The following FAR2 variants were observed in gnomAD, a reference collection of about 807,000 sequenced individuals.
FAR2 encodes the protein epididymis secretory protein Li 81.
Under a neutral mutation model 56.0 loss-of-function variants are expected in FAR2, and 19 were observed. The ratio of observed to expected loss-of-function variants is 0.34; its 90% CI spans 0.24 to 0.50. The LOEUF (loss-of-function observed/expected upper bound fraction) is 0.50, where lower values mean the gene tolerates loss of function less well. Among genes scored for constraint, FAR2 ranks in the 20% least tolerant of loss-of-function variants. FAR2 has a pLI of 0.98. For synonymous variants in FAR2, 219 were observed against 218.8 expected, an observed-to-expected ratio of 1.00 and a Z score of -0.01; for missense variants, 508 against 642.2, an observed-to-expected ratio of 0.79 and a Z score of 2.26.
At chr12:29,187,107 G>A (rs1032960639) in intron 1 of FAR2, among the ~76,000 whole-genome samples, 4 of 152,080 alleles carry the variant, frequency 2.6e-5, no homozygotes, top group Admixed American at 2.0e-4. Flanking sequence ...TCTTATAACT[G>A]TTCTTGGTAG....
intron 1 of FAR2, among the ~76,000 whole-genome samples, chr12:29,233,339 A>T (rs1474516361): frequency 6.6e-6 from 1 of 152,046 alleles, no homozygotes; most frequent in Non-Finnish European, 1.5e-5. Context: ...GAATCTTAAT[A>T]CTTCTGTCTG....
chr12:29,172,381 A>C (rs1207013227), intron 1 of FAR2, among the ~76,000 whole-genome samples: 1 of 152,200 alleles, frequency 6.6e-6, no homozygotes, highest in Non-Finnish European at 1.5e-5. Context: ...TTTTAATTAA[A>C]AGTTTAAAAA....
At chr12:29,332,555 C>T in intron 10 of FAR2, 45 bp from the exon 11 acceptor site, 1 of 1,611,280 alleles carries the variant, frequency 6.2e-7, no homozygotes, top group Non-Finnish European at 8.5e-7. Context: ...AAGTGACTGT[C>T]CAGCACTGCA....
intron 1 of FAR2, among the ~76,000 whole-genome samples, chr12:29,242,404 A>C (rs1486532253): frequency 6.6e-6 from 1 of 152,206 alleles, no homozygotes; most frequent in African/African-American, 2.4e-5. Context: ...CAAGTTACAT[A>C]AACGCCCACA....
Position 29,292,554 on chromosome 12 carries a change from G to A in FAR2, c.190-746G>A, listed in dbSNP as rs145244665. Among the ~76,000 whole-genome samples the A allele has an allele frequency of 2.2e-3, 339 of 152,276 alleles. 3 individuals are homozygous for A. Among genetic ancestry groups the A allele is most frequent in the African/African-American group, 6.8e-3 (282 of 41,540 alleles). ...ATGATTGATTAATATTAGAAAAACT[G>A]TTAAAGATCTTTCTGGAAGAGATGT... On this transcript the variant is annotated intron_variant, in intron 2 of 11. Coordinates refer to ENST00000536681, the MANE Select transcript of FAR2 (RefSeq NM_001271783.2).
intron 8 of FAR2, among the ~76,000 whole-genome samples, chr12:29,312,760 A>G (rs1299994753): frequency 1.3e-5 from 2 of 152,156 alleles, no homozygotes; most frequent in East Asian, 3.9e-4. Context: ...AGGATTTCTT[A>G]CTACCTACTA....
At chr12:29,192,837 A>G (rs886736199) in intron 1 of FAR2, among the ~76,000 whole-genome samples, 1 of 152,132 alleles carries the variant, frequency 6.6e-6, no homozygotes, top group Non-Finnish European at 1.5e-5. Flanking sequence ...TCTGGTTGGC[A>G]TAAATAAAAA....
chr12:29,228,058 C>A (rs34036230), intron 1 of FAR2, among the ~76,000 whole-genome samples: 17,675 of 151,044 alleles, frequency 0.12, 1,122 homozygotes, highest in South Asian at 0.23. Context: ...GTGCAGCACA[C>A]CAACATGGCA....
intron 10 of FAR2, among the ~76,000 whole-genome samples, chr12:29,330,574 A>G (rs751043706): frequency 2.0e-5 from 3 of 152,204 alleles, no homozygotes; most frequent in Non-Finnish European, 4.4e-5. Flanking sequence ...ATTTGCATAT[A>G]AAGGAGAAAG....
intron 1 of FAR2, among the ~76,000 whole-genome samples, chr12:29,172,694 T>C (rs1289947186): frequency 1.3e-5 from 2 of 152,238 alleles, no homozygotes; most frequent in African/African-American, 2.4e-5. Flanking sequence ...TTAGGACCAA[T>C]TGACCCTTGA....
intron 1 of FAR2, among the ~76,000 whole-genome samples, chr12:29,179,144 A>G (rs948073911): frequency 3.9e-5 from 6 of 152,202 alleles, no homozygotes; most frequent in African/African-American, 1.2e-4. Context: ...AATTACCTCT[A>G]TAAGGTCCTT....
At chr12:29,218,218 G>A (rs554173820) in intron 1 of FAR2, among the ~76,000 whole-genome samples, 12 of 152,130 alleles carry the variant, frequency 7.9e-5, no homozygotes, top group African/African-American at 2.7e-4. Flanking sequence ...AATTAACCAG[G>A]TATGATGGCG....
intron 1 of FAR2, among the ~76,000 whole-genome samples, chr12:29,209,465 A>C (rs1947517594): frequency 6.6e-6 from 1 of 152,214 alleles, no homozygotes; most frequent in Non-Finnish European, 1.5e-5. Context: ...AGCATTTAAT[A>C]GTTTTCAAAG....
At chr12:29,260,283 G>T (rs1591902825) in intron 1 of FAR2, among the ~76,000 whole-genome samples, 1 of 152,174 alleles carries the variant, frequency 6.6e-6, no homozygotes. Flanking sequence ...GGAGGCAAGA[G>T]GTAGAAGAAA....
chr12:29,274,866 G>C (rs902713147), intron 2 of FAR2, among the ~76,000 whole-genome samples: 1 of 149,378 alleles, frequency 6.7e-6, no homozygotes, highest in Non-Finnish European at 1.5e-5. Flanking sequence ...CTCTCTTTTC[G>C]GACTCAGCCC....
Position 29,270,405 on chromosome 12 carries a change from T to C in FAR2, c.-38-7T>C. 6.8e-7 allele frequency: 1 copy of C among 1,477,886 alleles called. No homozygotes were observed. The highest frequency in any genetic ancestry group is 9.1e-7 in the Non-Finnish European group (1 of 1,102,818). 91.5% of individuals were successfully genotyped at this position (1,477,886 alleles called of 1,614,324 possible). A position where few individuals can be genotyped will look rare whatever the true frequency, so the allele number is the denominator to read the frequency against. ...TGTAATCTTTTGTTATTTCTCTTCCTTTTCAGGAACCTCTTTCAGGAGCTA... is the reference window on the plus strand; with the variant it reads ...TGTAATCTTTTGTTATTTCTCTTCCCTTTCAGGAACCTCTTTCAGGAGCTA... On this transcript the variant is annotated splice_polypyrimidine_tract_variant and splice_region_variant and intron_variant, in intron 1 of 11. Transcript: ENST00000536681.
Position 29,270,533 on chromosome 12 carries a change from G to A in FAR2, c.84G>A (p.Glu28=). ...ATGFLGKVLM[E]KLFRTSPDLK... Reference sequence around the variant, plus strand: ...GCTTTCTGGGCAAAGTGCTGATGGAGAAGCTGTTTCGCACCAGCCCAGACC... The same window carrying A: ...GCTTTCTGGGCAAAGTGCTGATGGAAAAGCTGTTTCGCACCAGCCCAGACC... Residue 28 remains glutamate, a synonymous_variant, in exon 2 of 12, where the codon GAG becomes GAA. Coordinates refer to ENST00000536681, the MANE Select transcript of FAR2 (RefSeq NM_001271783.2). 6.2e-7 allele frequency: 1 copy of A among 1,613,984 alleles called. No homozygotes were observed. The highest frequency in any genetic ancestry group is 8.5e-7 in the Non-Finnish European group (1 of 1,179,884).
chr12:29,187,653 C>G (rs574970321), intron 1 of FAR2, among the ~76,000 whole-genome samples: 28 of 152,244 alleles, frequency 1.8e-4, no homozygotes, highest in African/African-American at 6.5e-4. Context: ...ATGGTCTTTT[C>G]TAGTCTACAT....
At chr12:29,165,480 A>G (rs758787508) in intron 1 of FAR2, among the ~76,000 whole-genome samples, 6 of 152,234 alleles carry the variant, frequency 3.9e-5, no homozygotes, top group Non-Finnish European at 7.3e-5. Flanking sequence ...ACATAAAAAT[A>G]TAGTTATTAT....
Sources: gnomAD v4.1 joint callset for allele counts (sites outside exome capture counted in the v4.1 genomes callset) on GRCh38, gnomAD v4.1.1 for gene constraint, MANE v1.5 for transcripts, NCBI Gene and HGNC (gene_info 2026-07-23, HGNC 2026-07-21) for gene names.